PLD5: variants seen among roughly 807,000 people sequenced by gnomAD.
The protein encoded by PLD5 is inactive phospholipase D5.
Under a neutral mutation model 61.1 loss-of-function variants are expected in PLD5, and 36 were observed. That is an observed-to-expected ratio of 0.59 (90% CI 0.45 to 0.78). PLD5 has a LOEUF of 0.78. PLD5 is among the 30% of genes least tolerant of loss of function. The pLI is 0.00. For synonymous variants in PLD5, 243 were observed against 242.8 expected (o/e 1.00, Z -0.01); for missense variants, 515 against 644.4 (o/e 0.80, Z 2.17).
At chr1:242,182,759 C>T (rs1318461545) in intron 5 of PLD5, among the ~76,000 whole-genome samples, 1 of 152,342 alleles carries the variant, frequency 6.6e-6, no homozygotes, top group African/African-American at 2.4e-5. Flanking sequence ...ACAGGAATCT[C>T]TTGAACCCAG....
intron 5 of PLD5, among the ~76,000 whole-genome samples, chr1:242,218,636 G>T (rs2149003209): frequency 6.6e-6 from 1 of 152,232 alleles, no homozygotes; most frequent in Non-Finnish European, 1.5e-5. Flanking sequence ...AAAGAAAAGG[G>T]TGACAGAGAA....
chr1:242,518,270 G>A (rs548139786), intron 1 of PLD5, among the ~76,000 whole-genome samples: 2 of 152,164 alleles, frequency 1.3e-5, no homozygotes, highest in Admixed American at 6.5e-5. Context: ...TGCTTTTTTG[G>A]TTAAAAGGGC....
rs111252018 is a variant in PLD5 at position 242,200,630 on chromosome 1, C to CAAA, written c.735+19355_735+19357dup. Among the ~76,000 whole-genome samples the CAAA allele has an allele frequency of 5.9e-4, 64 of 108,466 alleles. 1 individual carries two copies. The highest frequency in any genetic ancestry group is 1.9e-3 in the African/African-American group (62 of 32,516). 71.2% of individuals were successfully genotyped at this position (108,466 alleles called of 152,430 possible). ...AGTACGAGAAACAGTGTGGCACAGG[C>CAAA]AAAAAAAAAAAATGTGTTGCATAAA... is the stretch of plus-strand genomic sequence containing the variant. On this transcript the variant is annotated intron_variant, in intron 5 of 9. Coordinates refer to ENST00000536534, the MANE Select transcript of PLD5 (RefSeq NM_001372062.1).
intron 5 of PLD5, among the ~76,000 whole-genome samples, chr1:242,133,659 T>C (rs1022298222): frequency 3.9e-5 from 6 of 152,194 alleles, no homozygotes; most frequent in African/African-American, 7.2e-5. Context: ...CTGTAGTCAA[T>C]GCTTCATCTT....
intron 5 of PLD5, among the ~76,000 whole-genome samples, chr1:242,166,087 C>G (rs528623126): frequency 7.2e-4 from 110 of 152,290 alleles, no homozygotes; most frequent in South Asian, 6.2e-3. Context: ...GAATTTGCAC[C>G]ATCTGAAGAA....
At chr1:242,228,207 A>C (rs1355087909) in intron 4 of PLD5, among the ~76,000 whole-genome samples, 1 of 152,196 alleles carries the variant, frequency 6.6e-6, no homozygotes, top group Non-Finnish European at 1.5e-5. Flanking sequence ...GGAAAGTTTA[A>C]TTCTACCTAC....
intron 5 of PLD5, among the ~76,000 whole-genome samples, chr1:242,160,721 C>CT (rs1175903131): frequency 6.6e-6 from 1 of 151,866 alleles, no homozygotes; most frequent in African/African-American, 2.4e-5. Context: ...ACCACCTCTA[C>CT]TAAAAATACA....
intron 1 of PLD5, among the ~76,000 whole-genome samples, chr1:242,492,399 G>A (rs184644090): frequency 4.6e-5 from 7 of 151,814 alleles, no homozygotes; most frequent in Admixed American, 2.6e-4. Flanking sequence ...GTGGGTGCCT[G>A]TAATCCCAGC....
At chr1:242,129,538 G>T (rs1663065936) in intron 5 of PLD5, among the ~76,000 whole-genome samples, 1 of 152,152 alleles carries the variant, frequency 6.6e-6, no homozygotes, top group African/African-American at 2.4e-5. Context: ...TTAAAATGCT[G>T]GCAATGGGAA....
At chr1:242,504,959 C>G (rs1668673439) in intron 1 of PLD5, among the ~76,000 whole-genome samples, 2 of 151,994 alleles carry the variant, frequency 1.3e-5, no homozygotes, top group Non-Finnish European at 2.9e-5. Flanking sequence ...AATTTGAGAC[C>G]AGCCTGGACA....
intron 2 of PLD5, among the ~76,000 whole-genome samples, chr1:242,301,811 C>T (rs1321131198): frequency 4.4e-5 from 5 of 112,752 alleles, no homozygotes; most frequent in Non-Finnish European, 9.5e-5. Context: ...AATCTTGGCT[C>T]TTGCCACCCA....
At chr1:242,163,608 G>A (rs967584886) in intron 5 of PLD5, among the ~76,000 whole-genome samples, 4 of 152,142 alleles carry the variant, frequency 2.6e-5, no homozygotes, top group African/African-American at 9.7e-5. Flanking sequence ...TAATAAATGT[G>A]AAATAGGACA....
At chr1:242,421,869 C>A (rs1356226553) in intron 1 of PLD5, among the ~76,000 whole-genome samples, 2 of 152,116 alleles carry the variant, frequency 1.3e-5, no homozygotes, top group African/African-American at 4.8e-5. Context: ...TTGTGAAATG[C>A]AAATATCCTT....
At chr1:242,300,137 A>G (rs1317270985) in intron 2 of PLD5, among the ~76,000 whole-genome samples, 1 of 152,212 alleles carries the variant, frequency 6.6e-6, no homozygotes. Flanking sequence ...ACAGAAAGGA[A>G]CATCAACCAA....
At chr1:242,145,006 A>G (rs1202507675) in intron 5 of PLD5, among the ~76,000 whole-genome samples, 1 of 152,204 alleles carries the variant, frequency 6.6e-6, no homozygotes, top group Non-Finnish European at 1.5e-5. Context: ...GTATTAACTC[A>G]CTGAGCCCTC....
At chr1:242,269,076 G>C (rs1260878639) in intron 3 of PLD5, among the ~76,000 whole-genome samples, 1 of 151,988 alleles carries the variant, frequency 6.6e-6, no homozygotes, top group Non-Finnish European at 1.5e-5. Context: ...CTCCTAACTT[G>C]AGGTGATCCA....
intron 3 of PLD5, among the ~76,000 whole-genome samples, chr1:242,273,215 T>C (rs886130304): frequency 2.0e-5 from 3 of 151,914 alleles, no homozygotes; most frequent in African/African-American, 7.3e-5. Flanking sequence ...CTGAGAATGA[T>C]GGCTTCTAGC....
At chr1:242,304,370 A>T (rs1485346206) in intron 2 of PLD5, among the ~76,000 whole-genome samples, 1 of 152,248 alleles carries the variant, frequency 6.6e-6, no homozygotes, top group African/African-American at 2.4e-5. Context: ...GGCGATCAGC[A>T]TCATCTGGCC....
chr1:242,353,593 A>G (rs528054568), intron 1 of PLD5, among the ~76,000 whole-genome samples: 1 of 152,240 alleles, frequency 6.6e-6, no homozygotes, highest in East Asian at 1.9e-4. Context: ...AATTGCAATA[A>G]ATCTGTAAAT....
Sources: allele counts gnomAD v4.1 joint callset (sites outside exome capture counted in the v4.1 genomes callset), GRCh38; gene constraint gnomAD v4.1.1; transcripts MANE v1.5; gene names NCBI Gene and HGNC (gene_info 2026-07-23, HGNC 2026-07-21).